MTAP: variants seen among roughly 807,000 people sequenced by gnomAD.
The protein encoded by MTAP is S-methyl-5'-thioadenosine phosphorylase.
A neutral mutation model predicts 33.6 loss-of-function variants in MTAP; 33 were observed. The observed-to-expected ratio is 0.98, with a 90% CI of 0.74 to 1.31. The LOEUF (loss-of-function observed/expected upper bound fraction) is 1.31, where lower values mean the gene tolerates loss of function less well. Among genes scored for constraint, MTAP ranks in the 40% most tolerant of loss-of-function variants. The pLI is 0.00. For synonymous variants in MTAP, 148 were observed against 125.7 expected (o/e 1.18, Z -1.19); for missense variants, 367 against 360.0 (o/e 1.02, Z -0.16).
chr9:21,817,997 C>T, intron 3 of MTAP, 38 bp from the exon 4 acceptor site: 2 of 1,579,632 alleles, frequency 1.3e-6, no homozygotes, highest in African/African-American at 1.4e-5. Context: ...TGGTGGTGTA[C>T]TCATCACGGG....
intron 5 of MTAP, among the ~76,000 whole-genome samples, chr9:21,842,371 C>G (rs1825268541): frequency 6.6e-6 from 1 of 152,170 alleles, no homozygotes; most frequent in Non-Finnish European, 1.5e-5. Flanking sequence ...GGCCTTGCTA[C>G]AGATCTAGAC....
downstream of MTAP, among the ~76,000 whole-genome samples, chr9:21,939,308 G>A (rs751503803): frequency 3.3e-5 from 5 of 152,192 alleles, no homozygotes; most frequent in Admixed American, 6.5e-5. Flanking sequence ...GGGATAAAAT[G>A]TATTGATAAT....
intron 1 of MTAP, among the ~76,000 whole-genome samples, chr9:21,879,454 G>A (rs1238276506): frequency 6.6e-6 from 1 of 152,054 alleles, no homozygotes; most frequent in African/African-American, 2.4e-5. Flanking sequence ...CATTACATGT[G>A]AGATGGATCT....
intron 4 of MTAP, among the ~76,000 whole-genome samples, chr9:21,823,845 A>C (rs894487122): frequency 2.0e-5 from 3 of 151,990 alleles, no homozygotes; most frequent in African/African-American, 7.3e-5. Context: ...TTCTCGCTTC[A>C]TTTCATTCAT....
downstream of MTAP, among the ~76,000 whole-genome samples, chr9:21,868,591 A>G (rs1339579618): frequency 6.6e-6 from 1 of 152,064 alleles, no homozygotes; most frequent in Non-Finnish European, 1.5e-5. Flanking sequence ...GCACAAACTC[A>G]ACAAATATTT....
At chr9:21,829,898 A>G (rs886907261) in intron 4 of MTAP, among the ~76,000 whole-genome samples, 1 of 152,218 alleles carries the variant, frequency 6.6e-6, no homozygotes, top group Non-Finnish European at 1.5e-5. Context: ...AGCTCTTTTA[A>G]GAAAAATGTC....
In MTAP at chr9:21,877,043, GTT is replaced by G. The variant is rs200989960; in HGVS notation, c.147+22176_147+22177del. 6.6e-3 allele frequency among the ~76,000 whole-genome samples: 1,001 copies of G among 152,184 alleles called. 8 individuals carry two copies. Among genetic ancestry groups the G allele is most frequent in the African/African-American group, 0.023 (958 of 41,514 alleles). On this transcript the variant is annotated intron_variant, in intron 1 of 1. Transcript: ENST00000577563. ...GTCATCTCTGATTTCCTTGAGCATT[GTT>G]TTGTAATTCTCCTTGTGGAAATCTT... is the stretch of plus-strand genomic sequence containing the variant.
At chr9:21,937,417 T>C (rs1285856805) in exon 8 of MTAP, 1 of 152,346 alleles carries the variant, frequency 6.6e-6, no homozygotes, top group East Asian at 1.9e-4. Context: ...ATGACAGTTT[T>C]CTTTTTAAAG....
At chr9:21,838,384 A>T (rs775260327) in intron 5 of MTAP, among the ~76,000 whole-genome samples, 10 of 152,224 alleles carry the variant, frequency 6.6e-5, no homozygotes, top group African/African-American at 1.2e-4. Context: ...AAATTATTTG[A>T]CATATGTGGG....
chr9:21,918,679 G>A (rs188781883), intron 1 of MTAP, among the ~76,000 whole-genome samples: 103 of 152,246 alleles, frequency 6.8e-4, no homozygotes, highest in African/African-American at 2.5e-3. Flanking sequence ...TCATGGAGGT[G>A]GGTCTTTCTC....
intron 1 of MTAP, among the ~76,000 whole-genome samples, chr9:21,896,373 G>A (rs1336955348): frequency 1.3e-5 from 2 of 152,090 alleles, no homozygotes; most frequent in African/African-American, 4.8e-5. Context: ...CAGAAGGCAA[G>A]AAATAACTAA....
intron 1 of MTAP, chr9:21,930,727 C>A (rs892166693): frequency 1.7e-5 from 11 of 658,506 alleles, no homozygotes; most frequent in African/African-American, 3.7e-5. Context: ...ATGTTAATGG[C>A]AGCACAGGGA....
downstream of MTAP, chr9:21,931,982 G>C (rs1458662164): frequency 2.0e-5 from 3 of 152,104 alleles, no homozygotes; most frequent in Non-Finnish European, 4.4e-5. Flanking sequence ...GGTGAGCCTT[G>C]ATTATGCCAC....
At chr9:21,919,575 TA>T (rs1301447509) in intron 1 of MTAP, among the ~76,000 whole-genome samples, 1 of 152,238 alleles carries the variant, frequency 6.6e-6, no homozygotes, top group African/African-American at 2.4e-5. Flanking sequence ...TTGCCATGTA[TA>T]AAACACTGTG....
At chr9:21,915,255 AT>A (rs1011487766) in intron 1 of MTAP, among the ~76,000 whole-genome samples, 2 of 149,348 alleles carry the variant, frequency 1.3e-5, no homozygotes, top group African/African-American at 5.0e-5. Context: ...CGCCCGGCTA[AT>A]TTTTTTTTGT....
downstream of MTAP, chr9:21,932,582 TCAGCATG>T (rs1189458737): frequency 6.6e-6 from 1 of 151,998 alleles, no homozygotes; most frequent in Non-Finnish European, 1.5e-5. Flanking sequence ...CAGAAGCAAC[TCAGCATG>T]CATAAGGACT....
chr9:21,819,137 CT>C (rs35010416), intron 4 of MTAP, among the ~76,000 whole-genome samples: 179 of 144,316 alleles, frequency 1.2e-3, no homozygotes, highest in Admixed American at 2.1e-3. Flanking sequence ...ACCACATTTT[CT>C]TTTTTTTTTT....
chr9:21,815,552 AG>A, intron 2 of MTAP, 33 bp downstream of exon 2: 1 of 1,298,282 alleles, frequency 7.7e-7, no homozygotes, highest in Non-Finnish European at 1.1e-6. Context: ...CATGTTTTTT[AG>A]TTTTTTCATT....
In MTAP at chr9:21,927,905, C is replaced by G. The variant is rs1255734136; in HGVS notation, c.148-3103C>G. ...TACATAGAGACCTCCAATCTTAGAG[C>G]TACTAGAGGCTGTTCATTTGCCTCA... On this transcript the variant is annotated intron_variant, in intron 1 of 1. Coordinates refer to the MTAP transcript ENST00000577563. Among the ~76,000 whole-genome samples, 4 of 152,346 alleles carry G rather than the reference C, an allele frequency of 2.6e-5. No individual in the cohort carries two copies. The East Asian group carries it at 5.8e-4, about 22-fold the overall frequency.
Sources: allele counts gnomAD v4.1 joint callset (sites outside exome capture counted in the v4.1 genomes callset), GRCh38; gene constraint gnomAD v4.1.1; transcripts MANE v1.5; gene names NCBI Gene and HGNC (gene_info 2026-07-23, HGNC 2026-07-21).